Variants in PHYKPL observed in about 807,000 individuals in gnomAD.
PHYKPL encodes the protein 5-phosphonooxy-L-lysine phospho-lyase.
In PHYKPL, 42 loss-of-function variants were observed where a neutral mutation model predicts 51.3. The observed-to-expected ratio is 0.82, with a 90% CI of 0.64 to 1.06. The LOEUF is 1.06. Ranked by LOEUF, PHYKPL falls within the 50% of genes least tolerant of loss-of-function variation. PHYKPL has a pLI of 0.00. For synonymous variants in PHYKPL, 264 were observed against 236.0 expected (o/e 1.12, Z -1.09); for missense variants, 655 against 586.6 (o/e 1.12, Z -1.20).
rs150267080 is a variant in PHYKPL at position 178,222,565 on chromosome 5, G to A, written c.717C>T (p.Ala239=). 81 of 1,614,164 alleles carry A rather than the reference G, an allele frequency of 5.0e-5. No homozygotes were observed. Among genetic ancestry groups the A allele is most frequent in the Non-Finnish European group, 6.3e-5 (74 of 1,179,998 alleles). ...TCTCATCTGCAACAAAGACCCCTCC[G>A]GCCTTGCGGATGTGCCTGTGGCAGA... is the stretch of plus-strand genomic sequence containing the variant. ...FSQVAEHIRK[A]GGVFVADEIQ... is the part of the protein sequence containing the mutation. Residue 239 remains alanine (A), a synonymous_variant, in exon 8 of 13, where the codon GCC becomes GCT. Transcript: ENST00000308158.
At chr5:178,213,252 G>T in intron 10 of PHYKPL, 149 bp from the exon 11 acceptor site, 1 of 1,094,076 alleles carries the variant, frequency 9.1e-7, no homozygotes, top group Non-Finnish European at 1.3e-6. Flanking sequence ...CTCTCCCAGA[G>T]TCCTGTGCAT....
intron 8 of PHYKPL, among the ~76,000 whole-genome samples, chr5:178,220,646 G>A (rs1278152205): frequency 6.6e-6 from 1 of 151,468 alleles, no homozygotes; most frequent in Non-Finnish European, 1.5e-5. Context: ...CTCAGGTACA[G>A]TCCTAAGAAA....
At position 178,231,416 on chromosome 5, in the gene PHYKPL, T is replaced by G; in HGVS notation, c.167A>C (p.Asn56Thr). The change falls in exon 2 of 13, where the codon AAT (asparagine) becomes ACT (threonine). Residue 56 changes from asparagine to threonine, a missense_variant. Physicochemically the swap from Asn to Thr is moderately conservative, Grantham distance 65 (BLOSUM62 0). Coordinates refer to ENST00000308158, the MANE Select transcript of PHYKPL (RefSeq NM_153373.4). ...QGAEYIDCIS[N>T]VAHVGHCHPL... ...GGTGTGATACTGACCGTGCGCCACA[T>G]TGCTGATGCAATCGATGTATTCTGC... 6.2e-7 allele frequency: 1 copy of G among 1,614,216 alleles called. No individual in the cohort carries two copies. Among genetic ancestry groups the G allele is most frequent in the Non-Finnish European group, 8.5e-7 (1 of 1,180,026 alleles).
intron 7 of PHYKPL, 71 bp from the exon 8 acceptor site, chr5:178,222,651 G>T: frequency 6.5e-7 from 1 of 1,526,998 alleles, no homozygotes; most frequent in South Asian, 1.2e-5. Flanking sequence ...AGGAGGTCTC[G>T]GGGCTTTGCA....
intron 10 of PHYKPL, among the ~76,000 whole-genome samples, chr5:178,214,141 A>G (rs1759244924): frequency 6.6e-6 from 1 of 152,218 alleles, no homozygotes; most frequent in Non-Finnish European, 1.5e-5. Flanking sequence ...CACAATTTGA[A>G]TAAGGACACG....
At chr5:178,209,997 C>T in intron 12 of PHYKPL, 4 of 1,269,238 alleles carry the variant, frequency 3.2e-6, no homozygotes, top group South Asian at 2.9e-5. Flanking sequence ...CCCTTATACA[C>T]CAGAACAGCA....
chr5:178,219,944 A>C (rs1760796591), intron 8 of PHYKPL, among the ~76,000 whole-genome samples: 2 of 151,562 alleles, frequency 1.3e-5, no homozygotes, highest in African/African-American at 4.8e-5. Context: ...TTGTAATCCC[A>C]GCATTTTGGG....
chr5:178,210,117 C>T (rs776610470), intron 12 of PHYKPL: 3 of 1,613,898 alleles, frequency 1.9e-6, no homozygotes, highest in South Asian at 2.2e-5. Flanking sequence ...CCCCTGTGCC[C>T]TGCTCCCCCC....
intron 8 of PHYKPL, among the ~76,000 whole-genome samples, chr5:178,219,451 C>A (rs1383164801): frequency 1.3e-5 from 2 of 149,776 alleles, no homozygotes; most frequent in Non-Finnish European, 3.0e-5. Context: ...CACAAATAGG[C>A]ATTTTTTTTT....
rs781723640 is a variant in PHYKPL at position 178,222,916 on chromosome 5, C to G, written c.637G>C (p.Glu213Gln). The change falls in exon 7 of 13, where the codon GAG becomes CAG. Residue 213 changes from glutamate to glutamine, a missense_variant. Physicochemically the swap from Glu to Gln is conservative, Grantham distance 29. Coordinates refer to ENST00000308158, the MANE Select transcript of PHYKPL (RefSeq NM_153373.4). The part of the protein sequence containing the change: ...KGRKIAAFFA[E>Q]SLPSVGGQII... ...TGCCCTCCCACACTGGGCAGAGACT[C>G]AGCGAAGAAGGCTGCAATCTGTGAA... 1.2e-6 allele frequency: 2 copies of G among 1,614,132 alleles called. No homozygotes were observed. The highest frequency in any genetic ancestry group is 2.2e-5 in the South Asian group (2 of 91,062).
chr5:178,225,454 C>G (rs748325965), intron 3 of PHYKPL, 25 bp from the exon 4 acceptor site: 2 of 1,613,582 alleles, frequency 1.2e-6, no homozygotes, highest in Non-Finnish European at 8.5e-7. Context: ...GTGGGCATGA[C>G]TGAGAGAGTA....
chr5:178,218,212 GTC>G (rs1261381125), intron 8 of PHYKPL, among the ~76,000 whole-genome samples: 1 of 70,798 alleles, frequency 1.4e-5, no homozygotes, highest in Non-Finnish European at 2.4e-5. Flanking sequence ...GCGAAACTCC[GTC>G]TCAAAAAAAA....
chr5:178,231,752 G>T, intron 1 of PHYKPL: 1 of 1,501,884 alleles, frequency 6.7e-7, no homozygotes, highest in Non-Finnish European at 9.0e-7. Context: ...GTTTCTGAAA[G>T]CATTTTCAGC....
At chr5:178,220,865 C>T (rs2113859467) in intron 8 of PHYKPL, among the ~76,000 whole-genome samples, 1 of 152,070 alleles carries the variant, frequency 6.6e-6, no homozygotes, top group Admixed American at 6.5e-5. Context: ...AGGGAGGATT[C>T]TTAGTGATAT....
chr5:178,209,528 GT>G, intron 12 of PHYKPL: 2 of 1,215,722 alleles, frequency 1.6e-6, no homozygotes, highest in Non-Finnish European at 2.4e-6. Context: ...GCTCCCTCTG[GT>G]GCTGTGCAGC....
intron 12 of PHYKPL, chr5:178,210,672 A>G (rs1581190077): frequency 7.1e-7 from 1 of 1,418,008 alleles, no homozygotes. Flanking sequence ...TTGTTTGGAT[A>G]TGGAGTGAAC....
chr5:178,230,882 C>T (rs1043383960), intron 2 of PHYKPL: 2 of 153,856 alleles, frequency 1.3e-5, no homozygotes, highest in Admixed American at 1.3e-4. Context: ...AAGTAGGGGA[C>T]AGGGATTTGA....
intron 8 of PHYKPL, chr5:178,217,004 G>T (rs1237759695): frequency 6.6e-6 from 1 of 152,216 alleles, no homozygotes; most frequent in Non-Finnish European, 1.5e-5. Flanking sequence ...GGGCAACAGA[G>T]TGAGACCCTG....
Position 178,225,231 on chromosome 5 carries a change from CTT to C in PHYKPL, c.413+122_413+123del, listed in dbSNP as rs1762053742. ...CAGGCCTGGTCCTCTGCCTGCCACACTTGTCTTCAGTAGCCCAGGCCCCTTAT... is the reference window on the plus strand; with the variant it reads ...CAGGCCTGGTCCTCTGCCTGCCACACGTCTTCAGTAGCCCAGGCCCCTTAT... On this transcript the variant is annotated intron_variant, in intron 4 of 12. Coordinates refer to ENST00000308158, the MANE Select transcript of PHYKPL (RefSeq NM_153373.4). 2.7e-6 allele frequency: 3 copies of C among 1,129,520 alleles called. No homozygotes were observed. The South Asian group carries it at 4.1e-5, about 16-fold the overall frequency. The allele number at this position is 1,129,520 out of a possible 1,614,324, so 70.0% of individuals were successfully genotyped here.
Sources: gnomAD v4.1 joint callset for allele counts (sites outside exome capture counted in the v4.1 genomes callset) on GRCh38, gnomAD v4.1.1 for gene constraint, MANE v1.5 for transcripts, NCBI Gene and HGNC (gene_info 2026-07-23, HGNC 2026-07-21) for gene names.